ALK: variants seen among roughly 807,000 people sequenced by gnomAD.
The protein encoded by ALK is ALK receptor tyrosine kinase.
A neutral mutation model predicts 163.1 loss-of-function variants in ALK; 74 were observed. The ratio of observed to expected loss-of-function variants is 0.45; its 90% CI spans 0.38 to 0.55. ALK has a LOEUF of 0.55. ALK is among the 20% of genes least tolerant of loss of function. The pLI is 0.00. For synonymous variants in ALK, 960 were observed against 843.2 expected (o/e 1.14, Z -2.40); for missense variants, 2,063 against 2,105.3 (o/e 0.98, Z 0.39).
intron 3 of ALK, among the ~76,000 whole-genome samples, chr2:29,667,074 G>A (rs895080367): frequency 1.2e-4 from 18 of 151,910 alleles, no homozygotes; most frequent in South Asian, 2.1e-4. Context: ...ACACATTTTC[G>A]TTATCCATTG....
In ALK at chr2:29,626,017, C is replaced by T. The variant is rs1339729757; in HGVS notation, c.952+68833G>A. 2.6e-5 allele frequency among the ~76,000 whole-genome samples: 4 copies of T among 152,292 alleles called. No homozygotes were observed. The East Asian group carries it at 7.7e-4, about 29-fold the overall frequency. On this transcript the variant is annotated intron_variant, in intron 3 of 28. Coordinates refer to ENST00000389048, the MANE Select transcript of ALK (RefSeq NM_004304.5). ...GCAAGATAGATGATGGTATTTTCAG[C>T]TCAGGAAACAACCCATGCAAAGGCA...
chr2:29,840,270 C>T (rs1249429189), intron 1 of ALK, among the ~76,000 whole-genome samples: 1 of 152,102 alleles, frequency 6.6e-6, no homozygotes, highest in Non-Finnish European at 1.5e-5. Flanking sequence ...CTGCATTTAA[C>T]GTGGTATCTG....
chr2:29,829,526 A>G (rs1343699559), intron 1 of ALK, among the ~76,000 whole-genome samples: 2 of 152,164 alleles, frequency 1.3e-5, no homozygotes, highest in Non-Finnish European at 2.9e-5. Context: ...ACTATTACCA[A>G]GCAAGTTTGT....
chr2:29,313,156 C>A (rs1337491423), intron 8 of ALK, among the ~76,000 whole-genome samples: 1 of 152,196 alleles, frequency 6.6e-6, no homozygotes, highest in Non-Finnish European at 1.5e-5. Context: ...TTCTACCAGT[C>A]AGCCCAGAGA....
intron 14 of ALK, 89 bp downstream of exon 14, chr2:29,233,476 C>A: frequency 8.9e-6 from 14 of 1,578,790 alleles, no homozygotes; most frequent in Non-Finnish European, 1.2e-5. Context: ...ATAAGAGCAT[C>A]TGAGGTGTTT....
At chr2:29,423,959 C>T (rs182414617) in intron 4 of ALK, among the ~76,000 whole-genome samples, 1 of 152,172 alleles carries the variant, frequency 6.6e-6, no homozygotes. Flanking sequence ...CCTTTCTATC[C>T]CTAGAGGTAG....
intron 3 of ALK, among the ~76,000 whole-genome samples, chr2:29,645,761 T>G (rs2148249485): frequency 6.6e-6 from 1 of 152,240 alleles, no homozygotes; most frequent in African/African-American, 2.4e-5. Context: ...CACCCACAGC[T>G]GGTCACTCCC....
intron 5 of ALK, among the ~76,000 whole-genome samples, chr2:29,341,682 A>G (rs887854133): frequency 1.3e-5 from 2 of 152,216 alleles, no homozygotes; most frequent in Admixed American, 6.5e-5. Context: ...ACTCCAACCT[A>G]GCAGTGTGCA....
At chr2:29,416,071 T>C (rs1181849810) in intron 4 of ALK, among the ~76,000 whole-genome samples, 1 of 152,234 alleles carries the variant, frequency 6.6e-6, no homozygotes, top group African/African-American at 2.4e-5. Context: ...CGACATACTG[T>C]GGGACTTATC....
At chr2:29,605,544 G>T (rs1211400044) in intron 3 of ALK, among the ~76,000 whole-genome samples, 1 of 152,168 alleles carries the variant, frequency 6.6e-6, no homozygotes, top group African/African-American at 2.4e-5. Context: ...GAAAGGTGGG[G>T]CCCTCATAAT....
chr2:29,224,885 T>C (rs1192296706), intron 19 of ALK, among the ~76,000 whole-genome samples: 1 of 152,236 alleles, frequency 6.6e-6, no homozygotes, highest in Non-Finnish European at 1.5e-5. Context: ...TCTGCCCTTT[T>C]CAAGCCTCTG....
intron 3 of ALK, among the ~76,000 whole-genome samples, chr2:29,539,054 C>CA (rs896038258): frequency 2.6e-5 from 4 of 152,052 alleles, no homozygotes; most frequent in East Asian, 1.9e-4. Flanking sequence ...TCCACACCCC[C>CA]CTCCCAAATC....
intron 3 of ALK, among the ~76,000 whole-genome samples, chr2:29,654,600 T>C (rs1231224512): frequency 6.6e-6 from 1 of 152,120 alleles, no homozygotes; most frequent in East Asian, 1.9e-4. Context: ...ATGTTATGAG[T>C]CCTGAGTTAT....
intron 4 of ALK, among the ~76,000 whole-genome samples, chr2:29,463,199 G>A (rs1176198327): frequency 1.3e-5 from 2 of 152,090 alleles, no homozygotes; most frequent in Non-Finnish European, 2.9e-5. Context: ...GGATGGTTTA[G>A]ATGCCCACTT....
At chr2:29,815,440 T>C (rs945645536) in intron 1 of ALK, among the ~76,000 whole-genome samples, 11 of 152,100 alleles carry the variant, frequency 7.2e-5, no homozygotes, top group Admixed American at 5.9e-4. Context: ...AAGAGTTCTG[T>C]TTAAAATCTG....
At chr2:29,398,166 A>G (rs1669356874) in intron 4 of ALK, among the ~76,000 whole-genome samples, 1 of 152,186 alleles carries the variant, frequency 6.6e-6, no homozygotes, top group South Asian at 2.1e-4. Context: ...GGGGGCAGGA[A>G]TCCCTGGGCA....
Position 29,383,856 on chromosome 2 carries a change from C to T in ALK, c.1158G>A (p.Trp386Ter). The T allele has an allele frequency of 6.2e-7, 1 of 1,614,026 alleles. No individual in the cohort carries two copies. The highest frequency in any genetic ancestry group is 8.5e-7 in the Non-Finnish European group (1 of 1,179,976). ...LLMPTPGKHG[W>*]TVLQGRIGRP... ...GCCCGATTCTTCCCTGGAGCACTGT[C>T]CAACTGGTTGCATTGGAAAACAGAG... Residue 386 changes from tryptophan (W) to a stop codon, truncating the protein, a stop_gained, in exon 5 of 29, where the codon TGG becomes TGA. Coordinates refer to ENST00000389048, the MANE Select transcript of ALK (RefSeq NM_004304.5). LOFTEE classifies it high-confidence loss of function.
At chr2:29,372,612 G>A (rs995077466) in intron 5 of ALK, among the ~76,000 whole-genome samples, 3 of 151,884 alleles carry the variant, frequency 2.0e-5, no homozygotes, top group African/African-American at 7.3e-5. Context: ...AGGGATAGGT[G>A]TCACTGTCTT....
chr2:29,337,732 C>T (rs886541757), intron 5 of ALK, among the ~76,000 whole-genome samples: 3 of 152,100 alleles, frequency 2.0e-5, no homozygotes, highest in South Asian at 2.1e-4. Context: ...CCACCCCCAC[C>T]GTCTCATTGC....
Sources: gnomAD v4.1 joint callset for allele counts (sites outside exome capture counted in the v4.1 genomes callset) on GRCh38, gnomAD v4.1.1 for gene constraint, MANE v1.5 for transcripts, NCBI Gene and HGNC (gene_info 2026-07-23, HGNC 2026-07-21) for gene names.